Variants in AGO2 observed in about 807,000 individuals in gnomAD.
AGO2 encodes the protein argonaute RISC catalytic component 2, also known as protein argonaute-2.
AGO2 carries 5 observed loss-of-function variants against 102.3 expected under a neutral mutation model. The ratio of observed to expected loss-of-function variants is 0.05; its 90% CI spans 0.03 to 0.10. AGO2 has a LOEUF of 0.10. Among genes scored for constraint, AGO2 ranks in the 10% least tolerant of loss-of-function variants. The pLI is 1.00. For missense variants in AGO2, 541 were observed against 1,183.7 expected, an observed-to-expected ratio of 0.46 and a Z score of 7.97; for synonymous variants, 449 against 473.1, an observed-to-expected ratio of 0.95 and a Z score of 0.66.
intron 1 of AGO2, among the ~76,000 whole-genome samples, chr8:140,634,904 G>C (rs988387304): frequency 2.6e-5 from 4 of 151,692 alleles, no homozygotes; most frequent in East Asian, 1.9e-4. Flanking sequence ...CCGGCAACAA[G>C]AAGGGCCACA....
At chr8:140,591,280 T>G (rs1437507565) in intron 1 of AGO2, among the ~76,000 whole-genome samples, 1 of 152,180 alleles carries the variant, frequency 6.6e-6, no homozygotes. Flanking sequence ...ACCAAAAGAA[T>G]GGGCCATGGG....
At chr8:140,563,573 A>G (rs2073235824) in intron 3 of AGO2, among the ~76,000 whole-genome samples, 1 of 152,158 alleles carries the variant, frequency 6.6e-6, no homozygotes, top group African/African-American at 2.4e-5. Context: ...ACAGAAACCC[A>G]GACTTAAAAA....
intron 1 of AGO2, among the ~76,000 whole-genome samples, chr8:140,595,656 CTATATA>C (rs1362125503): frequency 5.6e-5 from 7 of 124,514 alleles, no homozygotes; most frequent in African/African-American, 2.1e-4. Context: ...ATATGCCAGG[CTATATA>C]TATTATATAT....
intron 1 of AGO2, among the ~76,000 whole-genome samples, chr8:140,605,556 G>A (rs1015080905): frequency 4.6e-5 from 7 of 152,196 alleles, no homozygotes; most frequent in South Asian, 2.1e-4. Context: ...CTGAGGCTGC[G>A]CAAGGCCACC....
intron 1 of AGO2, among the ~76,000 whole-genome samples, chr8:140,596,092 T>G (rs2073839873): frequency 6.7e-6 from 1 of 148,424 alleles, no homozygotes; most frequent in African/African-American, 2.5e-5. Context: ...CAAGCGATCC[T>G]CCTGCCTCGG....
chr8:140,548,994 G>T, intron 12 of AGO2, 120 bp downstream of exon 12: 1 of 1,278,124 alleles, frequency 7.8e-7, no homozygotes, highest in Non-Finnish European at 1.1e-6. Context: ...TCAGCCTCCT[G>T]AAAGGCCCAA....
At chr8:140,601,035 CA>C (rs1397656471) in intron 1 of AGO2, among the ~76,000 whole-genome samples, 2 of 152,222 alleles carry the variant, frequency 1.3e-5, no homozygotes, top group Non-Finnish European at 2.9e-5. Flanking sequence ...TGGATCACTT[CA>C]CAGTGCCTAC....
At chr8:140,638,356 A>G (rs1438274292), upstream of AGO2, 1 of 152,238 alleles carries the variant, frequency 6.6e-6, no homozygotes, top group East Asian at 1.9e-4. Context: ...AACAATGATA[A>G]ATAAGTTTAT....
intron 11 of AGO2, among the ~76,000 whole-genome samples, chr8:140,549,892 G>T (rs1355528245): frequency 2.6e-5 from 4 of 152,222 alleles, no homozygotes; most frequent in Non-Finnish European, 4.4e-5. Context: ...CAGGGCAGCG[G>T]CTTCTATTTT....
upstream of AGO2, among the ~76,000 whole-genome samples, chr8:140,639,199 A>C (rs2074427546): frequency 1.3e-5 from 2 of 152,148 alleles, no homozygotes; most frequent in Non-Finnish European, 2.9e-5. Context: ...TTTTTAATTA[A>C]AAACTAAGCA....
In AGO2 at chr8:140,551,307, G is replaced by A. The variant is rs146067138; in HGVS notation, c.1399C>T (p.Leu467=). 2.3e-5 allele frequency: 36 copies of A among 1,532,394 alleles called. No homozygotes were observed. In the Admixed American group the frequency reaches 2.6e-4, roughly 11 times the overall value. 94.9% of individuals were successfully genotyped at this position (1,532,394 alleles called of 1,614,324 possible). The part of the protein sequence containing the change: ...APQRQCTEVH[L]KSFTEQLRKI... ...CTCTGCCTGTGGGGGGCTTACTTCA[G>A]ATGGACTTCCGTGCACTGGCGCTGG... is the stretch of plus-strand genomic sequence containing the variant. The change falls in exon 11 of 19, where the codon CTG becomes TTG. Residue 467 remains leucine, a synonymous_variant. Coordinates refer to ENST00000220592, the MANE Select transcript of AGO2 (RefSeq NM_012154.5).
upstream of AGO2, chr8:140,638,172 G>C: frequency 6.6e-6 from 1 of 152,320 alleles, no homozygotes; most frequent in East Asian, 1.9e-4. Flanking sequence ...GTGAGGGGAA[G>C]TACAGAGAAA....
intron 1 of AGO2, among the ~76,000 whole-genome samples, chr8:140,616,127 C>T (rs1440801680): frequency 6.6e-6 from 1 of 152,196 alleles, no homozygotes; most frequent in African/African-American, 2.4e-5. Context: ...CCGTGAGGCT[C>T]CCACACCCCA....
At chr8:140,639,074 G>A (rs114156865), upstream of AGO2, among the ~76,000 whole-genome samples, 2,333 of 152,182 alleles carry the variant, frequency 0.015, 74 homozygotes, top group African/African-American at 0.052. Flanking sequence ...TCACCATATT[G>A]TCCAGGCTGG....
At chr8:140,560,577 G>T in intron 4 of AGO2, 67 bp from the exon 5 acceptor site, 3 of 1,558,392 alleles carry the variant, frequency 1.9e-6, no homozygotes, top group Non-Finnish European at 1.7e-6. Context: ...GCTGCCTCTG[G>T]GTGGGCTTCG....
chr8:140,615,153 A>G (rs2074124905), intron 1 of AGO2, among the ~76,000 whole-genome samples: 1 of 152,234 alleles, frequency 6.6e-6, no homozygotes, highest in South Asian at 2.1e-4. Context: ...TGGGAGGCTG[A>G]GATGGGAGGA....
intron 1 of AGO2, among the ~76,000 whole-genome samples, chr8:140,631,459 G>C (rs528239459): frequency 2.0e-5 from 3 of 151,796 alleles, no homozygotes; most frequent in African/African-American, 7.3e-5. Context: ...GCTTGAACCC[G>C]GGAGGAGGAG....
chr8:140,571,146 C>A (rs1050539543), intron 3 of AGO2, among the ~76,000 whole-genome samples: 2 of 152,196 alleles, frequency 1.3e-5, no homozygotes, highest in Non-Finnish European at 2.9e-5. Flanking sequence ...ACGTCTATCA[C>A]CCTGGGCTGG....
At chr8:140,559,301 C>G in intron 6 of AGO2, 94 bp downstream of exon 6, 1 of 1,496,050 alleles carries the variant, frequency 6.7e-7, no homozygotes, top group Non-Finnish European at 9.1e-7. Context: ...TCCCCAAATG[C>G]GCACAAGAAC....
Sources: gnomAD v4.1 joint callset for allele counts (sites outside exome capture counted in the v4.1 genomes callset) on GRCh38, gnomAD v4.1.1 for gene constraint, MANE v1.5 for transcripts, NCBI Gene and HGNC (gene_info 2026-07-23, HGNC 2026-07-21) for gene names.